The following ITFG1 variants were observed in gnomAD, a reference collection of about 807,000 sequenced individuals.
ITFG1 encodes T-cell immunomodulatory protein.
A neutral mutation model predicts 81.8 loss-of-function variants in ITFG1; 34 were observed. The ratio of observed to expected loss-of-function variants is 0.42; its 90% CI spans 0.32 to 0.55. The LOEUF (loss-of-function observed/expected upper bound fraction) is 0.55, where lower values mean the gene tolerates loss of function less well. ITFG1 is among the 20% of genes least tolerant of loss of function. The pLI is 0.17. For synonymous variants in ITFG1, 285 were observed against 270.6 expected (o/e 1.05, Z -0.52); for missense variants, 672 against 755.4 (o/e 0.89, Z 1.29).
chr16:47,322,474 A>T (rs938409520), intron 8 of ITFG1, among the ~76,000 whole-genome samples: 1 of 152,188 alleles, frequency 6.6e-6, no homozygotes, highest in Admixed American at 6.5e-5. Flanking sequence ...GGATCACCTG[A>T]GGTCAGGAGT....
chr16:47,198,023 G>T (rs749756717), intron 14 of ITFG1, among the ~76,000 whole-genome samples: 1 of 152,196 alleles, frequency 6.6e-6, no homozygotes, highest in African/African-American at 2.4e-5. Flanking sequence ...TTACATTGTG[G>T]TAGGTAGTGG....
intron 14 of ITFG1, among the ~76,000 whole-genome samples, chr16:47,168,732 C>G (rs1254161209): frequency 6.6e-6 from 1 of 151,966 alleles, no homozygotes; most frequent in African/African-American, 2.4e-5. Context: ...TTTGCAGAAT[C>G]TAATCTATTT....
intron 6 of ITFG1, among the ~76,000 whole-genome samples, chr16:47,409,405 T>TATATATATATA (rs60029204): frequency 4.9e-3 from 39 of 8,026 alleles, no homozygotes; most frequent in East Asian, 0.044. Flanking sequence ...TATATATATA[T>TATATATATATA]TTTTTTTTTT....
At chr16:47,236,976 T>C (rs1965884074) in intron 13 of ITFG1, among the ~76,000 whole-genome samples, 1 of 152,274 alleles carries the variant, frequency 6.6e-6, no homozygotes, top group South Asian at 2.1e-4. Context: ...TGTCTGGATG[T>C]GATGTGTGAT....
At chr16:47,300,121 T>C (rs1199989577) in intron 10 of ITFG1, among the ~76,000 whole-genome samples, 1 of 152,168 alleles carries the variant, frequency 6.6e-6, no homozygotes, top group Non-Finnish European at 1.5e-5. Context: ...GATTCCCCAG[T>C]GGGAAAGTGG....
chr16:47,423,984 G>A (rs1381363869), intron 6 of ITFG1, among the ~76,000 whole-genome samples: 1 of 152,188 alleles, frequency 6.6e-6, no homozygotes, highest in African/African-American at 2.4e-5. Flanking sequence ...TGCCTTGCTA[G>A]GTTGGGGAAG....
intron 14 of ITFG1, chr16:47,217,899 T>G (rs1436689525): frequency 6.6e-6 from 1 of 152,230 alleles, no homozygotes; most frequent in Non-Finnish European, 1.5e-5. Context: ...CAGTCCAGCC[T>G]GGGCAACACA....
chr16:47,451,875 T>TTATC (rs1161370723), intron 4 of ITFG1, among the ~76,000 whole-genome samples: 1 of 152,224 alleles, frequency 6.6e-6, no homozygotes, highest in African/African-American at 2.4e-5. Flanking sequence ...AATCTTTGCA[T>TTATC]TATCTAGACT....
intron 6 of ITFG1, among the ~76,000 whole-genome samples, chr16:47,381,058 C>T (rs1182404932): frequency 1.3e-5 from 2 of 152,178 alleles, no homozygotes; most frequent in Admixed American, 1.3e-4. Context: ...CCATTCATAG[C>T]TTGAAAGGAG....
At chr16:47,220,376 C>A (rs1271318867) in intron 13 of ITFG1, among the ~76,000 whole-genome samples, 3 of 152,232 alleles carry the variant, frequency 2.0e-5, no homozygotes, top group Non-Finnish European at 4.4e-5. Context: ...GGGTAATTAG[C>A]AGTGGCACCA....
At chr16:47,445,707 G>A (rs1488752130) in intron 5 of ITFG1, among the ~76,000 whole-genome samples, 1 of 152,128 alleles carries the variant, frequency 6.6e-6, no homozygotes, top group Non-Finnish European at 1.5e-5. Flanking sequence ...AATGACACTT[G>A]TTTAACTTCC....
At chr16:47,172,358 C>T (rs1964973231) in intron 14 of ITFG1, among the ~76,000 whole-genome samples, 2 of 152,148 alleles carry the variant, frequency 1.3e-5, no homozygotes, top group Admixed American at 6.5e-5. Context: ...CGTGGTGGCG[C>T]ATGCCTGTAG....
At chr16:47,377,535 T>G (rs896721545) in intron 6 of ITFG1, among the ~76,000 whole-genome samples, 1 of 152,204 alleles carries the variant, frequency 6.6e-6, no homozygotes, top group South Asian at 2.1e-4. Flanking sequence ...CGCCAGATTT[T>G]ATCATGTTTT....
chr16:47,156,419 CAG>C (rs1488880771), intron 17 of ITFG1, among the ~76,000 whole-genome samples: 5 of 152,188 alleles, frequency 3.3e-5, no homozygotes, highest in South Asian at 2.1e-4. Flanking sequence ...GCCTGGGTGA[CAG>C]AGTACTAATG....
intron 10 of ITFG1, among the ~76,000 whole-genome samples, chr16:47,304,559 G>A (rs1967127895): frequency 6.6e-6 from 1 of 152,154 alleles, no homozygotes; most frequent in Admixed American, 6.5e-5. Context: ...GAATTCCTTT[G>A]AGCATAAATG....
At chr16:47,222,495 G>A (rs1392202474) in intron 13 of ITFG1, among the ~76,000 whole-genome samples, 1 of 149,984 alleles carries the variant, frequency 6.7e-6, no homozygotes, top group Non-Finnish European at 1.5e-5. Flanking sequence ...CTCACTGCAA[G>A]CTCCGCCTCC....
intron 10 of ITFG1, among the ~76,000 whole-genome samples, chr16:47,273,559 C>A (rs1966365541): frequency 6.6e-6 from 1 of 152,090 alleles, no homozygotes; most frequent in East Asian, 1.9e-4. Context: ...CAAATGCAAT[C>A]CATTTATCCC....
chr16:47,176,064 A>G (rs2151511527), intron 14 of ITFG1, among the ~76,000 whole-genome samples: 1 of 152,256 alleles, frequency 6.6e-6, no homozygotes, highest in East Asian at 1.9e-4. Flanking sequence ...GTTGATCTTT[A>G]ATGAGGGACG....
intron 8 of ITFG1, chr16:47,317,405 T>C (rs1455992803): frequency 6.6e-6 from 1 of 152,230 alleles, no homozygotes. Flanking sequence ...AGTTCACATA[T>C]ATCACTTATT....
Sources: allele counts gnomAD v4.1 joint callset (sites outside exome capture counted in the v4.1 genomes callset), GRCh38; gene constraint gnomAD v4.1.1; transcripts MANE v1.5; gene names NCBI Gene and HGNC (gene_info 2026-07-23, HGNC 2026-07-21).